Variants in DCUN1D2 observed in about 807,000 individuals in gnomAD.
DCUN1D2 encodes the protein defective in cullin neddylation 1 domain containing 2, also known as DCN1-like protein 2.
A neutral mutation model predicts 30.9 loss-of-function variants in DCUN1D2; 29 were observed. The ratio of observed to expected loss-of-function variants is 0.94; its 90% CI spans 0.70 to 1.28. The LOEUF (loss-of-function observed/expected upper bound fraction) is 1.28. Ranked by LOEUF, DCUN1D2 falls within the 50% of genes most tolerant of loss-of-function variation. The pLI, the probability that DCUN1D2 is intolerant of heterozygous loss-of-function variation, is 0.00. For synonymous variants in DCUN1D2, 121 were observed against 115.3 expected, an observed-to-expected ratio of 1.05 and a Z score of -0.32; for missense variants, 325 against 316.9, an observed-to-expected ratio of 1.03 and a Z score of -0.19.
chr13:113,460,049 C>A (rs987838958), intron 5 of DCUN1D2, among the ~76,000 whole-genome samples: 1 of 152,228 alleles, frequency 6.6e-6, no homozygotes, highest in African/African-American at 2.4e-5. Flanking sequence ...TTAGGTTTGA[C>A]CCCAGGTAAG....
chr13:113,461,400 G>GT (rs2044316138), intron 4 of DCUN1D2, among the ~76,000 whole-genome samples: 1 of 152,122 alleles, frequency 6.6e-6, no homozygotes, highest in Non-Finnish European at 1.5e-5. Flanking sequence ...AATCAGTTTT[G>GT]GAGACTTGCC....
rs60598722 is a variant in DCUN1D2 at position 113,481,865 on chromosome 13, C to CAA, written c.221-1124_221-1123dup. On this transcript the variant is annotated intron_variant, in intron 2 of 6. Transcript: ENST00000478244. Reference sequence around the variant, plus strand: ...TGCCATTGCACTCCAGCCTGGGTGACAAAAAAAAAAAAAAAGAAAAATTGG... The same window carrying CAA: ...TGCCATTGCACTCCAGCCTGGGTGACAAAAAAAAAAAAAAAAAGAAAAATTGG... Among the ~76,000 whole-genome samples the CAA allele has an allele frequency of 2.7e-3, 299 of 111,990 alleles. 7 individuals are homozygous for CAA. Among genetic ancestry groups the CAA allele is most frequent in the African/African-American group, 6.9e-3 (228 of 33,148 alleles). The allele number at this position is 111,990 out of a possible 152,430, so 73.5% of individuals were successfully genotyped here. A position where few individuals can be genotyped will look rare whatever the true frequency, so the allele number is the denominator to read the frequency against.
chr13:113,488,041 G>A lies in DCUN1D2; in HGVS notation c.3+2626C>T, dbSNP rs111898197. Among the ~76,000 whole-genome samples, 9 of 152,284 alleles carry A rather than the reference G, an allele frequency of 5.9e-5. No homozygotes were observed. Among genetic ancestry groups the A allele is most frequent in the African/African-American group, 2.2e-4 (9 of 41,564 alleles). Reference sequence around the variant, plus strand: ...GAGCTCCTGCCGATAACCCCTTGAAGCCTCCCCTAATGTGTGACAACACCA... The same window carrying A: ...GAGCTCCTGCCGATAACCCCTTGAAACCTCCCCTAATGTGTGACAACACCA... On this transcript the variant is annotated intron_variant, in intron 1 of 6. Transcript: ENST00000478244. This position sits in a 1 kb window ranked among gnomAD's most constrained non-coding sequence, Gnocchi z 4.3.
chr13:113,463,823 C>CACACAG (rs2044358913), intron 4 of DCUN1D2, among the ~76,000 whole-genome samples: 1 of 152,042 alleles, frequency 6.6e-6, no homozygotes, highest in East Asian at 1.9e-4. Flanking sequence ...CACAAACACA[C>CACACAG]ACACAGACAC....
chr13:113,456,820 T>A lies in DCUN1D2; in HGVS notation c.*1209A>T, dbSNP rs528909291. ...CACAGGGGCACAAAGGTCTGGATGC[T>A]GGGCACTACGGGTACCACAAGAGGA... On this transcript the variant is annotated 3_prime_UTR_variant, in exon 7 of 7. Transcript: ENST00000478244. 1 of 155,436 alleles carries A rather than the reference T, an allele frequency of 6.4e-6. No individual in the cohort carries two copies. The highest frequency in any genetic ancestry group is 2.4e-5 in the African/African-American group (1 of 41,588). The allele number at this position is 155,436 out of a possible 1,614,324, so 9.6% of individuals were successfully genotyped here. A position where few individuals can be genotyped will look rare whatever the true frequency, so the allele number is the denominator to read the frequency against.
intron 1 of DCUN1D2, chr13:113,489,261 T>C: frequency 1.8e-6 from 1 of 552,792 alleles, no homozygotes; most frequent in Non-Finnish European, 2.3e-6. Flanking sequence ...ATCCTGAACA[T>C]GTTCAAGTTT....
intron 5 of DCUN1D2, among the ~76,000 whole-genome samples, chr13:113,460,750 A>G (rs1277939010): frequency 6.6e-6 from 1 of 152,224 alleles, no homozygotes; most frequent in Non-Finnish European, 1.5e-5. Context: ...TCCTCAGAGG[A>G]GACAACACGG....
intron 4 of DCUN1D2, chr13:113,462,603 G>A (rs1165422358): frequency 3.5e-5 from 8 of 229,160 alleles, no homozygotes; most frequent in Non-Finnish European, 5.0e-5. Flanking sequence ...TAAATAAAAC[G>A]CCTCTAAATT....
Position 113,483,879 on chromosome 13 carries a change from C to T in DCUN1D2, c.181G>A (p.Asp61Asn). ...LHRESMRNAV[D>N]KKKLERLYGR... ...TACAGCCGCTCCAGCTTCTTCTTGTCCACAGCGTTCCGCATGGACTCCCTG... is the reference window on the plus strand; with the variant it reads ...TACAGCCGCTCCAGCTTCTTCTTGTTCACAGCGTTCCGCATGGACTCCCTG... The change falls in exon 2 of 7, where the codon GAC (aspartate) becomes AAC (asparagine). Residue 61 changes from aspartate to asparagine, a missense_variant. Asp to Asn is a conservative substitution (Grantham distance 23). Coordinates refer to ENST00000478244, the MANE Select transcript of DCUN1D2 (RefSeq NM_001014283.2). 6.2e-7 allele frequency: 1 copy of T among 1,613,336 alleles called. No individual in the cohort carries two copies. Among genetic ancestry groups the T allele is most frequent in the Middle Eastern group, 1.9e-4 (1 of 5,338 alleles).
intron 2 of DCUN1D2, among the ~76,000 whole-genome samples, chr13:113,483,307 T>C (rs555633743): frequency 9.2e-5 from 14 of 152,254 alleles, no homozygotes; most frequent in South Asian, 8.3e-4. Context: ...AAAAGTTTCT[T>C]TGCTGCGAGC....
In DCUN1D2 at chr13:113,488,113, G is replaced by A. The variant is rs2044840463; in HGVS notation, c.3+2554C>T. Among the ~76,000 whole-genome samples the A allele has an allele frequency of 6.6e-6, 1 of 152,220 alleles. No individual in the cohort carries two copies. Among genetic ancestry groups the A allele is most frequent in the South Asian group, 2.1e-4 (1 of 4,826 alleles). On this transcript the variant is annotated intron_variant, in intron 1 of 6. Transcript: ENST00000478244. The surrounding 1 kb of genome is among the most constrained non-coding windows in gnomAD (Gnocchi z 4.3). ...TTGGAACTCTAGAAGAACAGATGCA[G>A]GAGCACATGGATCCAGGCCACTCAA...
chr13:113,461,224 T>G lies in DCUN1D2; in HGVS notation c.521-88A>C, dbSNP rs1346579951. On this transcript the variant is annotated intron_variant, in intron 4 of 6. Transcript: ENST00000478244. ...CGACCACTTCTTAGCATGTCAATATTTACTTAATAAAATGTGGCAATCTCA... is the reference window on the plus strand; with the variant it reads ...CGACCACTTCTTAGCATGTCAATATGTACTTAATAAAATGTGGCAATCTCA... 3 of 805,426 alleles carry G rather than the reference T, an allele frequency of 3.7e-6. No individual in the cohort carries two copies. The African/African-American group carries it at 5.2e-5, about 14-fold the overall frequency. The allele number at this position is 805,426 out of a possible 1,614,324, so 49.9% of individuals were successfully genotyped here.
intron 3 of DCUN1D2, chr13:113,480,358 TG>T (rs2044687034): frequency 2.3e-6 from 1 of 429,872 alleles, no homozygotes; most frequent in South Asian, 4.9e-5. Context: ...GGGATTAATA[TG>T]AAAAAAATAA....
chr13:113,489,020 C>T, intron 1 of DCUN1D2: 1 of 616,134 alleles, frequency 1.6e-6, no homozygotes, highest in Non-Finnish European at 2.0e-6. Flanking sequence ...CTCATATAAT[C>T]TGGCACCAAG....
intron 2 of DCUN1D2, among the ~76,000 whole-genome samples, chr13:113,481,919 C>T (rs2044718385): frequency 6.6e-6 from 1 of 151,526 alleles, no homozygotes; most frequent in African/African-American, 2.4e-5. Context: ...CATAAACATC[C>T]TTCTAACTCT....
At chr13:113,467,796 C>G (rs1052489957) in intron 4 of DCUN1D2, among the ~76,000 whole-genome samples, 3 of 152,082 alleles carry the variant, frequency 2.0e-5, no homozygotes, top group African/African-American at 4.8e-5. Context: ...GTAATCCCAG[C>G]ACTTTGGGAG....
chr13:113,490,840 G>T, upstream of DCUN1D2: 1 of 463,988 alleles, frequency 2.2e-6, no homozygotes, highest in Non-Finnish European at 3.1e-6. This position sits in a 1 kb window ranked among gnomAD's most constrained non-coding sequence, Gnocchi z 5.2. Context: ...GCCCACGGGA[G>T]CTCGCGCCCC....
chr13:113,477,417 C>T (rs1039114233), intron 3 of DCUN1D2, among the ~76,000 whole-genome samples: 3 of 132,876 alleles, frequency 2.3e-5, no homozygotes, highest in African/African-American at 7.3e-5. Flanking sequence ...TACATGTTAC[C>T]GTTTTGCTGG....
chr13:113,490,588 C>G lies in DCUN1D2; in HGVS notation c.3+79G>C, dbSNP rs1020474645. The stretch of plus-strand genomic sequence containing the variant: ...CTCGCTGGGCTCGGCCTCCCACATC[C>G]AGCGCGCCGCCTGCGCCGACCTTGG... On this transcript the variant is annotated intron_variant, in intron 1 of 6. Transcript: ENST00000478244. This position sits in a 1 kb window ranked among gnomAD's most constrained non-coding sequence, Gnocchi z 5.2. 2.4e-5 allele frequency: 28 copies of G among 1,190,048 alleles called. No individual in the cohort carries two copies. Among genetic ancestry groups the G allele is most frequent in the East Asian group, 1.4e-4 (4 of 28,218 alleles). The allele number at this position is 1,190,048 out of a possible 1,614,324, so 73.7% of individuals were successfully genotyped here.
Sources: gnomAD v4.1 joint callset for allele counts (sites outside exome capture counted in the v4.1 genomes callset) on GRCh38, gnomAD v4.1.1 for gene constraint, Gnocchi (gnomAD v3.1) non-coding constraint, MANE v1.5 for transcripts, NCBI Gene and HGNC (gene_info 2026-07-23, HGNC 2026-07-21) for gene names.